PDE4DIP: variants seen among roughly 807,000 people sequenced by gnomAD.
The protein encoded by PDE4DIP is myomegalin.
In PDE4DIP, 59 loss-of-function variants were observed where a neutral mutation model predicts 221.4. That is an observed-to-expected ratio of 0.27 (90% CI 0.22 to 0.33). PDE4DIP has a LOEUF of 0.33. PDE4DIP is among the 10% of genes least tolerant of loss of function. PDE4DIP has a pLI of 1.00. For missense variants in PDE4DIP, 1,036 were observed against 2,154.2 expected (o/e 0.48, Z 10.28); for synonymous variants, 404 against 815.9 (o/e 0.50, Z 8.60).
intron 21 of PDE4DIP, among the ~76,000 whole-genome samples, chr1:148,986,649 C>A (rs1324913665): frequency 6.6e-6 from 1 of 152,084 alleles, no homozygotes; most frequent in Non-Finnish European, 1.5e-5. Context: ...AATTTTTCTC[C>A]TCTCGAAGAA....
chr1:148,930,516 C>CAAAAAAAA (rs60104509), intron 2 of PDE4DIP: 201 of 128,954 alleles, frequency 1.6e-3, no homozygotes, highest in African/African-American at 5.6e-3. Flanking sequence ...GACTCCGTCT[C>CAAAAAAAA]AAAAAAAAAA....
Position 149,003,746 on chromosome 1 carries a change from GT to G in PDE4DIP, c.3886+17del. 1 of 1,289,672 alleles carries G rather than the reference GT, an allele frequency of 7.8e-7. No homozygotes were observed. Among genetic ancestry groups the G allele is most frequent in the Non-Finnish European group, 1.1e-6 (1 of 890,178 alleles). The allele number at this position is 1,289,672 out of a possible 1,614,324, so 79.9% of individuals were successfully genotyped here. A position where few individuals can be genotyped will look rare whatever the true frequency, so the allele number is the denominator to read the frequency against. On this transcript the variant is annotated intron_variant, in intron 26 of 43. Coordinates refer to ENST00000369354, the Ensembl canonical transcript of PDE4DIP. ...ACCAGTCCTGGTAAGAGCACAGGGT[GT>G]GGGGCTCACCCCTCCCTGGAGTCAG...
At chr1:149,009,844 T>C in intron 30 of PDE4DIP, 53 bp downstream of exon 33, 3 of 1,280,004 alleles carry the variant, frequency 2.3e-6, no homozygotes, top group African/African-American at 1.5e-5. Context: ...AGTGGAGAAC[T>C]CAGGAAACAG....
At chr1:149,011,104 A>G (rs1386397308) in intron 31 of PDE4DIP, among the ~76,000 whole-genome samples, 1 of 152,118 alleles carries the variant, frequency 6.6e-6, no homozygotes, top group African/African-American at 2.4e-5. Flanking sequence ...AGTCCTTGAT[A>G]TGTACATAGT....
Position 148,829,017 on chromosome 1 carries a change from A to AACAC in PDE4DIP, c.233+20307_233+20310dup, listed in dbSNP as rs5777522. 5.3e-3 allele frequency among the ~76,000 whole-genome samples: 755 copies of AACAC among 143,212 alleles called. 2 individuals carry two copies. The highest frequency in any genetic ancestry group is 0.017 in the African/African-American group (658 of 39,088). 94.0% of individuals were successfully genotyped at this position (143,212 alleles called of 152,430 possible). A position where few individuals can be genotyped will look rare whatever the true frequency, so the allele number is the denominator to read the frequency against. On this transcript the variant is annotated intron_variant, in intron 1 of 45. Coordinates refer to the PDE4DIP transcript ENST00000524974. Reference sequence around the variant, plus strand: ...TGTCCCAGTTGTCTATTCCTGCATAAACACACACACACACACACACACACA... The same window carrying AACAC: ...TGTCCCAGTTGTCTATTCCTGCATAAACACACACACACACACACACACACACACA...
At chr1:149,005,774 T>TA (rs2152519002) in intron 27 of PDE4DIP, among the ~76,000 whole-genome samples, 1 of 151,786 alleles carries the variant, frequency 6.6e-6, no homozygotes, top group South Asian at 2.1e-4. Context: ...CCTTTGTCCT[T>TA]ACCTATTAAA....
At chr1:149,010,382 G>C in intron 30 of PDE4DIP, 61 bp from the exon 34 acceptor site, 1 of 1,520,164 alleles carries the variant, frequency 6.6e-7, no homozygotes, top group Non-Finnish European at 9.1e-7. Flanking sequence ...GTAAACATAA[G>C]GCCAGGATTC....
At chr1:148,934,749 G>A (rs190948434) in intron 4 of PDE4DIP, among the ~76,000 whole-genome samples, 19,088 of 150,922 alleles carry the variant, frequency 0.13, 759 homozygotes, top group Middle Eastern at 0.21. Context: ...GATTACAGGC[G>A]TGCACCACCA....
chr1:148,828,971 A>G (rs1214578463), intron 1 of PDE4DIP, among the ~76,000 whole-genome samples: 1 of 150,418 alleles, frequency 6.6e-6, no homozygotes, highest in Non-Finnish European at 1.5e-5. Context: ...CATCAGAAAT[A>G]CTGTGTACAT....
In PDE4DIP at chr1:148,844,520, A is replaced by T. The variant is rs1472340565; in HGVS notation, c.234-18730A>T. 9.0e-5 allele frequency: 10 copies of T among 110,960 alleles called. No individual in the cohort carries two copies. In the Admixed American group the frequency reaches 9.2e-4, roughly 10 times the overall value. 6.9% of individuals were successfully genotyped at this position (110,960 alleles called of 1,614,324 possible). A position where few individuals can be genotyped will look rare whatever the true frequency, so the allele number is the denominator to read the frequency against. On this transcript the variant is annotated intron_variant, in intron 1 of 45. Transcript: ENST00000524974. ...CAGCCCCGGGCGCCGCGCCGCTCTG[A>T]GTCCAGCCTCCTACTGAGAACAGTC...
intron 1 of PDE4DIP, among the ~76,000 whole-genome samples, chr1:148,862,293 C>T (rs1269165728): frequency 8.6e-5 from 13 of 150,842 alleles, no homozygotes; most frequent in African/African-American, 2.9e-4. Flanking sequence ...CTCACTGCTA[C>T]ATTTGTGGAG....
chr1:149,028,717 G>T lies in PDE4DIP; in HGVS notation c.6813+14G>T, dbSNP rs782314051. Reference sequence around the variant, plus strand: ...CCTGGCAAAGTGGTAAGATGCCAGTGCCCTTTCTTGGTTCAAACCCAGTTC... The same window carrying T: ...CCTGGCAAAGTGGTAAGATGCCAGTTCCCTTTCTTGGTTCAAACCCAGTTC... On this transcript the variant is annotated intron_variant, in intron 41 of 43. Transcript: ENST00000369354. 1 of 1,509,420 alleles carries T rather than the reference G, an allele frequency of 6.6e-7. No homozygotes were observed. The highest frequency in any genetic ancestry group is 9.1e-7 in the Non-Finnish European group (1 of 1,096,824). The allele number at this position is 1,509,420 out of a possible 1,614,324, so 93.5% of individuals were successfully genotyped here.
At chr1:148,876,953 G>C (rs1572459726) in intron 3 of PDE4DIP, among the ~76,000 whole-genome samples, 1 of 141,682 alleles carries the variant, frequency 7.1e-6, no homozygotes, top group East Asian at 2.0e-4. Flanking sequence ...GGCAGAGGTT[G>C]CAGTGAGCCG....
chr1:148,951,774 G>T (rs2053347921), intron 5 of PDE4DIP, among the ~76,000 whole-genome samples: 1 of 152,304 alleles, frequency 6.6e-6, no homozygotes. Flanking sequence ...TCTAAAGAAG[G>T]GCAAGTCACC....
chr1:148,924,205 G>A (rs1573503565), intron 1 of PDE4DIP, among the ~76,000 whole-genome samples: 2 of 152,192 alleles, frequency 1.3e-5, no homozygotes. Context: ...TTAATTTGGA[G>A]AGATAAAGTA....
chr1:148,986,507 A>T (rs782587580), intron 21 of PDE4DIP: 6 of 152,108 alleles, frequency 3.9e-5, no homozygotes, highest in African/African-American at 9.7e-5. Flanking sequence ...AGATATTTAT[A>T]AAAAAAGTAG....
At chr1:148,820,892 C>G (rs1400800841) in intron 1 of PDE4DIP, among the ~76,000 whole-genome samples, 1 of 146,340 alleles carries the variant, frequency 6.8e-6, no homozygotes, top group Non-Finnish European at 1.5e-5. Flanking sequence ...TCGCTGTTGC[C>G]CAGGCTGGAG....
chr1:148,940,684 G>A (rs1553479038), intron 5 of PDE4DIP, among the ~76,000 whole-genome samples: 2 of 151,476 alleles, frequency 1.3e-5, no homozygotes, highest in South Asian at 4.2e-4. Flanking sequence ...GGAAAGCTCT[G>A]CCACAGGAGG....
chr1:148,989,404 A>G, intron 21 of PDE4DIP: 3 of 761,956 alleles, frequency 3.9e-6, no homozygotes, highest in African/African-American at 1.9e-5. Flanking sequence ...GAACCATAGC[A>G]TCCTGCTCTT....
Sources: gnomAD v4.1 joint callset for allele counts (sites outside exome capture counted in the v4.1 genomes callset) on GRCh38, gnomAD v4.1.1 for gene constraint, MANE v1.5 for transcripts, NCBI Gene and HGNC (gene_info 2026-07-23, HGNC 2026-07-21) for gene names.